DENND5B: variants seen among roughly 807,000 people sequenced by gnomAD.
DENND5B encodes DENN domain-containing protein 5B.
In DENND5B, 34 loss-of-function variants were observed where a neutral mutation model predicts 140.6. That is an observed-to-expected ratio of 0.24 (90% CI 0.18 to 0.32). The LOEUF is 0.32. DENND5B is among the 10% of genes least tolerant of loss of function. The pLI, the probability that DENND5B is intolerant of heterozygous loss-of-function variation, is 1.00. For missense variants in DENND5B, 1,142 were observed against 1,560.2 expected (o/e 0.73, Z 4.52); for synonymous variants, 551 against 562.1 (o/e 0.98, Z 0.28).
chr12:31,561,031 A>G (rs1286119122), intron 1 of DENND5B, among the ~76,000 whole-genome samples: 1 of 152,174 alleles, frequency 6.6e-6, no homozygotes, highest in Non-Finnish European at 1.5e-5. Flanking sequence ...TTACGAGAAA[A>G]TAGAATAGGA....
At chr12:31,429,524 T>C (rs1021773248) in intron 8 of DENND5B, among the ~76,000 whole-genome samples, 4 of 152,144 alleles carry the variant, frequency 2.6e-5, no homozygotes, top group African/African-American at 9.7e-5. Flanking sequence ...TTCTCCTGCC[T>C]CAGCCTCTCG....
At chr12:31,409,965 C>G (rs4931488) in intron 13 of DENND5B, among the ~76,000 whole-genome samples, 87,703 of 152,068 alleles carry the variant, frequency 0.58, 25,769 homozygotes, top group East Asian at 0.82. Context: ...AAATAAATAG[C>G]TCCTCTTAGA....
At chr12:31,510,282 T>G (rs1413737879) in intron 1 of DENND5B, among the ~76,000 whole-genome samples, 3 of 152,324 alleles carry the variant, frequency 2.0e-5, no homozygotes, top group South Asian at 2.1e-4. Context: ...CAGGGCTGCA[T>G]TCCTTTCTGG....
At chr12:31,503,340 G>T (rs1008656159) in intron 1 of DENND5B, among the ~76,000 whole-genome samples, 1 of 152,068 alleles carries the variant, frequency 6.6e-6, no homozygotes. Context: ...TGGGCAGATC[G>T]CTTGAGTTCA....
intron 1 of DENND5B, among the ~76,000 whole-genome samples, chr12:31,541,376 C>T (rs1948676533): frequency 6.6e-6 from 1 of 152,076 alleles, no homozygotes; most frequent in Non-Finnish European, 1.5e-5. Flanking sequence ...TCTAATCATC[C>T]AATCAAAAAT....
chr12:31,464,560 TTTTA>T lies in DENND5B; in HGVS notation c.905-4183_905-4180del, dbSNP rs1352166863. Among the ~76,000 whole-genome samples, 6 of 152,244 alleles carry T rather than the reference TTTTA, an allele frequency of 3.9e-5. No homozygotes were observed. In the South Asian group the frequency reaches 8.3e-4, roughly 21 times the overall value. The stretch of plus-strand genomic sequence containing the variant: ...TAGAGAGCAATATATGTATTTTTCT[TTTTA>T]TTTATTTATTTTTGGAGACAGGGTC... On this transcript the variant is annotated intron_variant, in intron 3 of 20. Coordinates refer to ENST00000389082, the MANE Select transcript of DENND5B (RefSeq NM_144973.4).
intron 1 of DENND5B, among the ~76,000 whole-genome samples, chr12:31,533,527 T>C (rs564216112): frequency 7.2e-5 from 11 of 152,330 alleles, no homozygotes; most frequent in African/African-American, 2.2e-4. Flanking sequence ...TTTTCCCTTA[T>C]CACTTTGCTT....
intron 11 of DENND5B, among the ~76,000 whole-genome samples, chr12:31,417,334 G>A (rs1268526689): frequency 7.1e-6 from 1 of 140,964 alleles, no homozygotes; most frequent in Non-Finnish European, 1.5e-5. Flanking sequence ...TCCAGCCTGG[G>A]TGACAGAGCA....
At position 31,386,637 on chromosome 12, in the gene DENND5B, G is replaced by C. The variant is rs1940863547; in HGVS notation, c.*966C>G. ...CTTAGACATTCCTTCCATTTCCCGAGGGGGGATGGGCCCTGGAGAGGTGGG... is the reference window on the plus strand; with the variant it reads ...CTTAGACATTCCTTCCATTTCCCGACGGGGGATGGGCCCTGGAGAGGTGGG... On this transcript the variant is annotated 3_prime_UTR_variant, in exon 21 of 21. Coordinates refer to ENST00000389082, the MANE Select transcript of DENND5B (RefSeq NM_144973.4). The C allele has an allele frequency of 1.3e-5, 2 of 152,228 alleles. No individual in the cohort carries two copies. The highest frequency in any genetic ancestry group is 1.5e-5 in the Non-Finnish European group (1 of 68,080). 9.4% of individuals were successfully genotyped at this position (152,228 alleles called of 1,614,324 possible).
At chr12:31,468,073 C>T (rs1945359544) in intron 3 of DENND5B, among the ~76,000 whole-genome samples, 1 of 151,786 alleles carries the variant, frequency 6.6e-6, no homozygotes, top group Non-Finnish European at 1.5e-5. Context: ...GGGCAACATA[C>T]AGAGACCCCA....
intron 11 of DENND5B, among the ~76,000 whole-genome samples, chr12:31,420,853 A>G (rs1942988623): frequency 6.6e-6 from 1 of 152,160 alleles, no homozygotes; most frequent in South Asian, 2.1e-4. Context: ...ATTTCAAACT[A>G]CTAGGTGCAG....
intron 1 of DENND5B, among the ~76,000 whole-genome samples, chr12:31,531,147 C>A (rs1230392166): frequency 6.6e-6 from 1 of 152,154 alleles, no homozygotes; most frequent in African/African-American, 2.4e-5. Flanking sequence ...CATTACCTAA[C>A]ACTTTTATAT....
intron 1 of DENND5B, among the ~76,000 whole-genome samples, chr12:31,539,827 A>C (rs1408380915): frequency 1.3e-5 from 2 of 152,132 alleles, no homozygotes; most frequent in African/African-American, 4.8e-5. Context: ...TACAACAAGG[A>C]TATCCACTTT....
At chr12:31,503,093 G>T (rs893730821) in intron 1 of DENND5B, among the ~76,000 whole-genome samples, 3 of 152,006 alleles carry the variant, frequency 2.0e-5, no homozygotes, top group Admixed American at 2.0e-4. Flanking sequence ...GTTACATATG[G>T]GACTAGCATG....
chr12:31,475,911 G>A (rs1258403721), intron 3 of DENND5B, among the ~76,000 whole-genome samples: 1 of 152,102 alleles, frequency 6.6e-6, no homozygotes, highest in Non-Finnish European at 1.5e-5. Context: ...ATCACCTAGG[G>A]TCAGGAGTTC....
chr12:31,527,312 AG>A (rs1273891354), intron 1 of DENND5B, among the ~76,000 whole-genome samples: 1 of 152,184 alleles, frequency 6.6e-6, no homozygotes, highest in African/African-American at 2.4e-5. Flanking sequence ...ATCATAAGAC[AG>A]GAGCATGCTC....
intron 1 of DENND5B, among the ~76,000 whole-genome samples, chr12:31,558,498 G>A (rs1257485927): frequency 6.6e-6 from 1 of 152,164 alleles, no homozygotes; most frequent in African/African-American, 2.4e-5. Flanking sequence ...TTAGGCATAA[G>A]ACCCAAATAA....
At chr12:31,485,956 C>T (rs1483656474) in intron 2 of DENND5B, among the ~76,000 whole-genome samples, 1 of 152,214 alleles carries the variant, frequency 6.6e-6, no homozygotes, top group African/African-American at 2.4e-5. Context: ...GACTTCAAAC[C>T]TTCCAAACTA....
intron 1 of DENND5B, among the ~76,000 whole-genome samples, chr12:31,537,271 G>GACAGTAC (rs1250115329): frequency 6.6e-6 from 1 of 152,068 alleles, no homozygotes; most frequent in Non-Finnish European, 1.5e-5. Context: ...TCAAGACACA[G>GACAGTAC]ACAGTACAAT....
Sources: gnomAD v4.1 joint callset for allele counts (sites outside exome capture counted in the v4.1 genomes callset) on GRCh38, gnomAD v4.1.1 for gene constraint, MANE v1.5 for transcripts, NCBI Gene and HGNC (gene_info 2026-07-23, HGNC 2026-07-21) for gene names.